Variants in ACSL5 observed in about 807,000 individuals in gnomAD.
ACSL5 encodes the protein long-chain-fatty-acid--CoA ligase 5.
In ACSL5, 50 loss-of-function variants were observed where a neutral mutation model predicts 84.9. That is an observed-to-expected ratio of 0.59 (90% CI 0.47 to 0.75). The LOEUF (loss-of-function observed/expected upper bound fraction) is 0.75. ACSL5 is among the 30% of genes least tolerant of loss of function. The pLI is 0.00. For missense variants in ACSL5, 775 were observed against 830.4 expected, an observed-to-expected ratio of 0.93 and a Z score of 0.82; for synonymous variants, 280 against 300.7, an observed-to-expected ratio of 0.93 and a Z score of 0.71.
chr10:112,392,658 G>A (rs1014292657), intron 1 of ACSL5, among the ~76,000 whole-genome samples: 8 of 151,636 alleles, frequency 5.3e-5, no homozygotes, highest in East Asian at 2.0e-4. Flanking sequence ...GGAGAATGGC[G>A]TGAACCCGGG....
intron 1 of ACSL5, among the ~76,000 whole-genome samples, chr10:112,387,129 G>A (rs1478106709): frequency 6.6e-6 from 1 of 152,114 alleles, no homozygotes; most frequent in African/African-American, 2.4e-5. Context: ...CTTCCCTTGG[G>A]GGACAATCTA....
chr10:112,399,923 T>A (rs1843838298), intron 3 of ACSL5, among the ~76,000 whole-genome samples: 1 of 152,236 alleles, frequency 6.6e-6, no homozygotes, highest in South Asian at 2.1e-4. Context: ...ATGTCAGAGC[T>A]GATAGGAAAA....
chr10:112,401,792 CTTTCTTTCTT>C lies in ACSL5; in HGVS notation c.266-2717_266-2708del, dbSNP rs1564736346. 5.7e-3 allele frequency among the ~76,000 whole-genome samples: 538 copies of C among 94,812 alleles called. 5 individuals carry two copies. Among genetic ancestry groups the C allele is most frequent in the African/African-American group, 0.015 (398 of 27,290 alleles). The allele number at this position is 94,812 out of a possible 152,430, so 62.2% of individuals were successfully genotyped here. A position where few individuals can be genotyped will look rare whatever the true frequency, so the allele number is the denominator to read the frequency against. ...TCTTTCTTTTTCTTTCTTTCTCTTT[CTTTCTTTCTT>C]TCTTTCTTTCTTTCTTTCTTTCTTT... On this transcript the variant is annotated intron_variant, in intron 3 of 20. Transcript: ENST00000354655.
At chr10:112,402,779 C>T (rs1420677811) in intron 3 of ACSL5, among the ~76,000 whole-genome samples, 5 of 152,108 alleles carry the variant, frequency 3.3e-5, no homozygotes, top group African/African-American at 1.2e-4. Flanking sequence ...GACCTGAATT[C>T]CTCTTAGCAG....
chr10:112,378,999 A>C (rs1379980791), intron 1 of ACSL5, among the ~76,000 whole-genome samples: 1 of 152,146 alleles, frequency 6.6e-6, no homozygotes, highest in East Asian at 1.9e-4. Context: ...TTCTATTCTA[A>C]GAGTTGTGAG....
intron 12 of ACSL5, among the ~76,000 whole-genome samples, chr10:112,414,094 C>G (rs1024736703): frequency 3.3e-5 from 5 of 152,122 alleles, no homozygotes; most frequent in African/African-American, 4.8e-5. Flanking sequence ...GTCATGTCGG[C>G]TAGTCATGTT....
rs1248832882 is a variant in ACSL5 at position 112,411,481 on chromosome 10, C to G, written c.822C>G (p.Thr274=). 1.9e-6 allele frequency: 3 copies of G among 1,613,744 alleles called. No individual in the cohort carries two copies. The highest frequency in any genetic ancestry group is 2.5e-6 in the Non-Finnish European group (3 of 1,179,782). The change falls in exon 10 of 21, where the codon ACC becomes ACG. Residue 274 remains threonine, a synonymous_variant. Coordinates refer to ENST00000354655, the MANE Select transcript of ACSL5 (RefSeq NM_203379.2). ...GTGACCCCAAAGGAGCCATGATAAC[C>G]CATCAAAATATTGTTTCAAATGCTG... ...TTGDPKGAMI[T]HQNIVSNAAA...
chr10:112,413,348 C>T (rs752353342), intron 12 of ACSL5, 41 bp downstream of exon 12: 5 of 1,610,952 alleles, frequency 3.1e-6, no homozygotes, highest in East Asian at 2.2e-5. Flanking sequence ...TGACTTGGGC[C>T]TGCACGAAGG....
rs750645086 is a variant in ACSL5, at chr10:112,410,635, G to T, written c.796G>T (p.Gly266Cys). 6.2e-7 allele frequency: 1 copy of T among 1,613,192 alleles called. No homozygotes were observed. The change falls in exon 9 of 21, where the codon GGT (glycine) becomes TGT (cysteine). Residue 266 changes from glycine to cysteine, a missense_variant and splice_region_variant. Gly to Cys is a radical substitution (Grantham distance 159). Transcript: ENST00000354655. ...CATCTGCTTCACCAGTGGGACCACA[G>T]GTCTGTGCCCATGAAACTGAACCTT... ...SVICFTSGTT[G>C]DPKGAMITHQ...
chr10:112,387,072 C>T (rs1849468643), intron 1 of ACSL5, among the ~76,000 whole-genome samples: 1 of 151,764 alleles, frequency 6.6e-6, no homozygotes, highest in African/African-American at 2.4e-5. Context: ...GAATGTTGAC[C>T]CCTTGGATTT....
intron 3 of ACSL5, 119 bp downstream of exon 3, chr10:112,399,128 C>T (rs1843816632): frequency 1.1e-5 from 9 of 804,796 alleles, no homozygotes; most frequent in South Asian, 6.2e-5. Context: ...CAAGTAGAAT[C>T]GCAACATGCA....
intron 9 of ACSL5, 103 bp downstream of exon 9, chr10:112,410,738 T>C: frequency 8.2e-7 from 1 of 1,214,600 alleles, no homozygotes; most frequent in African/African-American, 1.5e-5. Context: ...TAAAGAGCCC[T>C]ATACTTAGGG....
intron 18 of ACSL5, 71 bp from the exon 19 acceptor site, chr10:112,426,187 T>C (rs767544852): frequency 2.5e-6 from 3 of 1,216,094 alleles, no homozygotes; most frequent in Non-Finnish European, 3.6e-6. Flanking sequence ...AATTCTGCTT[T>C]ATTTAACTAC....
chr10:112,404,266 T>C (rs1199715158), intron 3 of ACSL5, among the ~76,000 whole-genome samples: 1 of 152,250 alleles, frequency 6.6e-6, no homozygotes, highest in Non-Finnish European at 1.5e-5. Flanking sequence ...GGAGGTTACA[T>C]ATTCAACACT....
rs775140294 is a variant in ACSL5, at chr10:112,404,751, G to C, written c.377G>C (p.Gly126Ala). The C allele has an allele frequency of 6.2e-7, 1 of 1,614,002 alleles. No homozygotes were observed. Among genetic ancestry groups the C allele is most frequent in the South Asian group, 1.1e-5 (1 of 91,080 alleles). Residue 126 changes from glycine to alanine, a missense_variant, in exon 5 of 21, where the codon GGT (glycine) becomes GCT (alanine). Gly to Ala is a moderately conservative substitution (Grantham distance 60). Coordinates refer to ENST00000354655, the MANE Select transcript of ACSL5 (RefSeq NM_203379.2). ...EYLGSCLLHKGYKSSPDQFVG... is the reference protein window; with the variant it reads ...EYLGSCLLHKAYKSSPDQFVG... ...CTGGGTTCCTGTCTCTTGCATAAAG[G>C]TTATAAATCATCACCAGACCAGTTT...
At chr10:112,387,777 A>G (rs945332062) in intron 1 of ACSL5, among the ~76,000 whole-genome samples, 1 of 152,206 alleles carries the variant, frequency 6.6e-6, no homozygotes, top group Non-Finnish European at 1.5e-5. Context: ...CCATAGGATG[A>G]GCCCATACAT....
At position 112,379,053 on chromosome 10, in the gene ACSL5, C is replaced by G. The variant is rs542847547; in HGVS notation, c.-30+4784C>G. On this transcript the variant is annotated intron_variant, in intron 1 of 20. Transcript: ENST00000354655. Reference sequence around the variant, plus strand: ...TGAGGATTTGAGGTCTGGGGTAAAGCTAGGTCAGAGACAGGCCATGGTTCC... The same window carrying G: ...TGAGGATTTGAGGTCTGGGGTAAAGGTAGGTCAGAGACAGGCCATGGTTCC... Among the ~76,000 whole-genome samples the G allele has an allele frequency of 1.4e-4, 22 of 152,240 alleles. No homozygotes were observed. The South Asian group carries it at 4.3e-3, about 30-fold the overall frequency.
intron 5 of ACSL5, among the ~76,000 whole-genome samples, chr10:112,405,584 G>A (rs1844015218): frequency 6.6e-6 from 1 of 152,054 alleles, no homozygotes; most frequent in Non-Finnish European, 1.5e-5. Context: ...TCTTGTCACA[G>A]TCAGCCTCAA....
At chr10:112,376,723 A>G (rs561950563) in intron 1 of ACSL5, among the ~76,000 whole-genome samples, 1 of 150,962 alleles carries the variant, frequency 6.6e-6, no homozygotes, top group African/African-American at 2.4e-5. Flanking sequence ...CAAAACAGAG[A>G]CCTCTTTTTG....
Sources: allele counts gnomAD v4.1 joint callset (sites outside exome capture counted in the v4.1 genomes callset), GRCh38; gene constraint gnomAD v4.1.1; transcripts MANE v1.5; gene names NCBI Gene and HGNC (gene_info 2026-07-23, HGNC 2026-07-21).